COXFA4: variants seen among roughly 807,000 people sequenced by gnomAD.
The protein encoded by COXFA4 is cytochrome c oxidase subunit FA4.
the COXFA4 span, among the ~76,000 whole-genome samples, chr7:10,937,680 T>C: frequency 6.6e-6 from 1 of 152,182 alleles, no homozygotes; most frequent in African/African-American, 2.4e-5. Context: ...TCTCAGTCCA[T>C]GAAATCATTC....
At chr7:10,939,776 T>C in the COXFA4 span, 1 of 594,772 alleles carries the variant, frequency 1.7e-6, no homozygotes. Flanking sequence ...TAGAAAAAAC[T>C]AGGTTTTTTT....
the COXFA4 span, among the ~76,000 whole-genome samples, chr7:10,937,208 G>A: frequency 6.6e-6 from 1 of 152,164 alleles, no homozygotes; most frequent in African/African-American, 2.4e-5. Context: ...AGTGCATTGA[G>A]TGAGTTATAA....
At chr7:10,938,908 ACAAAATAGAATAAC>A in the COXFA4 span, 5 of 1,595,546 alleles carry the variant, frequency 3.1e-6, no homozygotes, top group Non-Finnish European at 3.4e-6. Flanking sequence ...TAAACCAAAC[ACAAAATAGAATAAC>A]CATCTTCAAA....
the COXFA4 span, chr7:10,940,115 A>G: frequency 1.3e-6 from 2 of 1,560,128 alleles, no homozygotes; most frequent in Non-Finnish European, 8.8e-7. Context: ...ACCAGGCCCT[A>G]AGCTAAAAAT....
At chr7:10,934,719 C>T in the COXFA4 span, among the ~76,000 whole-genome samples, 1 of 152,098 alleles carries the variant, frequency 6.6e-6, no homozygotes, top group Non-Finnish European at 1.5e-5. Context: ...CTGAAAAACT[C>T]TTAAGTATTT....
At chr7:10,938,473 C>T in the COXFA4 span, 1 of 421,990 alleles carries the variant, frequency 2.4e-6, no homozygotes, top group Non-Finnish European at 4.3e-6. Flanking sequence ...TGTTTTTCAA[C>T]TGCAAATGTG....
chr7:10,938,272 T>C, the COXFA4 span: 2 of 851,032 alleles, frequency 2.4e-6, no homozygotes, highest in East Asian at 5.3e-5. Flanking sequence ...GTTATTTCAT[T>C]ATGAAGTTGA....
the COXFA4 span, among the ~76,000 whole-genome samples, chr7:10,934,140 C>A: frequency 6.6e-6 from 1 of 151,950 alleles, no homozygotes; most frequent in African/African-American, 2.4e-5. Context: ...AGAGATCCTG[C>A]AACAAAAAGA....
At chr7:10,935,550 G>C in the COXFA4 span, among the ~76,000 whole-genome samples, 1 of 152,056 alleles carries the variant, frequency 6.6e-6, no homozygotes, top group Non-Finnish European at 1.5e-5. Flanking sequence ...AACCTCAAAC[G>C]CCAATGGTGA....
At chr7:10,935,602 G>A in the COXFA4 span, among the ~76,000 whole-genome samples, 1 of 152,196 alleles carries the variant, frequency 6.6e-6, no homozygotes, top group Non-Finnish European at 1.5e-5. Context: ...ATTAGGTCAT[G>A]AGGGTGGAAC....
chr7:10,939,995 G>C, the COXFA4 span: 1 of 1,613,748 alleles, frequency 6.2e-7, no homozygotes, highest in Non-Finnish European at 8.5e-7. Context: ...GAAAACATTA[G>C]GAGAGCGGTC....
chr7:10,938,452 T>C, the COXFA4 span: 4 of 436,172 alleles, frequency 9.2e-6, no homozygotes, highest in South Asian at 6.5e-5. Flanking sequence ...ATCAATCTTT[T>C]GATTGTCTAT....
the COXFA4 span, chr7:10,938,959 TTACAG>T: frequency 8.1e-7 from 1 of 1,228,202 alleles, no homozygotes; most frequent in African/African-American, 1.5e-5. Context: ...CAACGAGAGA[TTACAG>T]TAGTTTCTGC....
chr7:10,940,091 G>A, the COXFA4 span: 4 of 1,610,576 alleles, frequency 2.5e-6, no homozygotes, highest in South Asian at 2.2e-5. Context: ...GGAAAGGAGA[G>A]AACCGACCTA....
the COXFA4 span, chr7:10,932,322 T>G: frequency 6.6e-6 from 1 of 152,118 alleles, no homozygotes; most frequent in Non-Finnish European, 1.5e-5. Flanking sequence ...ACATAGGAGG[T>G]AAAAGCATGG....
chr7:10,936,421 C>T, the COXFA4 span, among the ~76,000 whole-genome samples: 6 of 152,160 alleles, frequency 3.9e-5, no homozygotes, highest in East Asian at 1.9e-4. Context: ...GATTCCAATA[C>T]GCTCTTTGGT....
the COXFA4 span, chr7:10,932,164 CTT>C: frequency 6.7e-6 from 1 of 149,268 alleles, no homozygotes; most frequent in Non-Finnish European, 1.5e-5. Context: ...GGAAAGAGTG[CTT>C]TTTGTCTGTA....
chr7:10,933,690 G>A, the COXFA4 span: 2 of 1,606,256 alleles, frequency 1.2e-6, no homozygotes, highest in Non-Finnish European at 1.7e-6. Context: ...TCACTGAGTA[G>A]AACTTGGAAC....
chr7:10,934,674 T>C, the COXFA4 span, among the ~76,000 whole-genome samples: 7 of 152,190 alleles, frequency 4.6e-5, no homozygotes, highest in African/African-American at 1.7e-4. Flanking sequence ...TCAAACCCCT[T>C]TTATTTCTTC....
Sources: gnomAD v4.1 joint callset for allele counts (sites outside exome capture counted in the v4.1 genomes callset) on GRCh38, gnomAD v4.1.1 for gene constraint, MANE v1.5 for transcripts, NCBI Gene and HGNC (gene_info 2026-07-23, HGNC 2026-07-21) for gene names.